Variants in CAST observed in about 807,000 individuals in gnomAD.
CAST encodes MIR583 host.
In CAST, 76 loss-of-function variants were observed where a neutral mutation model predicts 119.6. That is an observed-to-expected ratio of 0.64 (90% CI 0.53 to 0.77). CAST has a LOEUF of 0.77. CAST is among the 30% of genes least tolerant of loss of function. CAST has a pLI of 0.00. For synonymous variants in CAST, 319 were observed against 331.6 expected, an observed-to-expected ratio of 0.96 and a Z score of 0.41; for missense variants, 953 against 946.5, an observed-to-expected ratio of 1.01 and a Z score of -0.09.
At chr5:96,155,006 A>G in the CAST span, among the ~76,000 whole-genome samples, 1 of 152,206 alleles carries the variant, frequency 6.6e-6, no homozygotes, top group Admixed American at 6.5e-5. Flanking sequence ...AGTGCAGAAT[A>G]CTTATGTAAG....
chr5:96,295,161 A>G, the CAST span, among the ~76,000 whole-genome samples: 1 of 152,234 alleles, frequency 6.6e-6, no homozygotes, highest in Admixed American at 6.5e-5. Flanking sequence ...TGTTTTTTTC[A>G]TGAAGAAAAA....
At chr5:96,537,652 G>A (rs1022182721) in intron 1 of CAST, among the ~76,000 whole-genome samples, 11 of 152,090 alleles carry the variant, frequency 7.2e-5, no homozygotes, top group African/African-American at 2.4e-4. Flanking sequence ...TGTTCTCCAT[G>A]TCACTATAGA....
At chr5:96,549,989 CA>C (rs1373238685) in intron 1 of CAST, among the ~76,000 whole-genome samples, 1 of 152,220 alleles carries the variant, frequency 6.6e-6, no homozygotes, top group Non-Finnish European at 1.5e-5. Context: ...CATATATGAA[CA>C]AAAGGCAGCA....
At chr5:96,692,560 G>A (rs1752848045) in intron 2 of CAST, among the ~76,000 whole-genome samples, 1 of 152,112 alleles carries the variant, frequency 6.6e-6, no homozygotes, top group South Asian at 2.1e-4. Flanking sequence ...TGCTTACCAA[G>A]CCCATTCTTA....
At chr5:96,366,034 A>G in the CAST span, among the ~76,000 whole-genome samples, 1 of 152,148 alleles carries the variant, frequency 6.6e-6, no homozygotes, top group Non-Finnish European at 1.5e-5. Flanking sequence ...TGGTGACAAA[A>G]TCTCTCAGCA....
chr5:96,353,906 A>G, the CAST span, among the ~76,000 whole-genome samples: 1 of 152,160 alleles, frequency 6.6e-6, no homozygotes, highest in Non-Finnish European at 1.5e-5. Flanking sequence ...ATCTGTATCT[A>G]TATCTCCTGT....
rs768707547 is a variant in CAST, at chr5:96,729,675, G to A, written c.499G>A (p.Val167Ile). 4 of 1,602,398 alleles carry A rather than the reference G, an allele frequency of 2.5e-6. No homozygotes were observed. In the East Asian group the frequency reaches 8.9e-5, roughly 36 times the overall value. Residue 167 changes from valine to isoleucine, a missense_variant, in exon 8 of 32, where the codon GTT becomes ATT. Val to Ile is a conservative substitution (Grantham distance 29). Coordinates refer to ENST00000675179, the MANE Select transcript of CAST (RefSeq NM_001750.7). ...GSNDAHNKKAVSRSAEQQPSE... is the reference protein window; with the variant it reads ...GSNDAHNKKAISRSAEQQPSE... The stretch of plus-strand genomic sequence containing the variant: ...TAACGATGCTCACAATAAAAAAGCA[G>A]TTTCCAGATCAGCTGAACAGCAGCC...
chr5:95,981,770 G>A, the CAST span, among the ~76,000 whole-genome samples: 3 of 152,194 alleles, frequency 2.0e-5, no homozygotes, highest in Non-Finnish European at 4.4e-5. Context: ...AGCTACTCAG[G>A]AGGCTGAGGT....
At chr5:96,338,003 C>T in the CAST span, among the ~76,000 whole-genome samples, 1 of 152,062 alleles carries the variant, frequency 6.6e-6, no homozygotes, top group Non-Finnish European at 1.5e-5. Flanking sequence ...CTACTCTATC[C>T]AGCATTCCTT....
the CAST span, among the ~76,000 whole-genome samples, chr5:96,360,700 G>A: frequency 6.6e-6 from 1 of 152,286 alleles, no homozygotes; most frequent in Admixed American, 6.5e-5. Context: ...TCCTTCCTCT[G>A]GAAGCTTCAT....
At chr5:96,679,142 A>G (rs1403941914) in intron 2 of CAST, among the ~76,000 whole-genome samples, 2 of 152,070 alleles carry the variant, frequency 1.3e-5, no homozygotes, top group Non-Finnish European at 2.9e-5. Context: ...TATAAGTGTG[A>G]GCCACCACGC....
At chr5:96,329,934 G>T in the CAST span, among the ~76,000 whole-genome samples, 1 of 152,178 alleles carries the variant, frequency 6.6e-6, no homozygotes, top group Non-Finnish European at 1.5e-5. Context: ...TATTTTCTGG[G>T]TTGGTTTAAA....
chr5:96,219,758 C>CAGGA, the CAST span, among the ~76,000 whole-genome samples: 3 of 140,542 alleles, frequency 2.1e-5, no homozygotes, highest in Non-Finnish European at 3.1e-5. Flanking sequence ...GGCAGGCAGG[C>CAGGA]AGGAAGGAAG....
the CAST span, among the ~76,000 whole-genome samples, chr5:96,341,753 C>G: frequency 2.0e-5 from 3 of 152,124 alleles, no homozygotes; most frequent in Non-Finnish European, 2.9e-5. Context: ...TTATTGAATT[C>G]TAGCTAGGAA....
the CAST span, among the ~76,000 whole-genome samples, chr5:96,284,774 A>G: frequency 6.6e-6 from 1 of 152,208 alleles, no homozygotes; most frequent in Non-Finnish European, 1.5e-5. Flanking sequence ...TTAATATAGG[A>G]AAGTGATTAA....
intron 1 of CAST, among the ~76,000 whole-genome samples, chr5:96,633,145 G>A (rs981971864): frequency 6.6e-6 from 1 of 151,954 alleles, no homozygotes; most frequent in African/African-American, 2.4e-5. Flanking sequence ...CTAATTTTTT[G>A]TATTTTTAAT....
At chr5:96,559,273 A>G (rs1264384281) in intron 1 of CAST, among the ~76,000 whole-genome samples, 2 of 152,154 alleles carry the variant, frequency 1.3e-5, no homozygotes, top group African/African-American at 4.8e-5. Context: ...CAAAAACTGG[A>G]AGCATTCCCT....
chr5:96,677,534 A>G (rs1368864586), intron 2 of CAST, among the ~76,000 whole-genome samples: 3 of 152,262 alleles, frequency 2.0e-5, no homozygotes, highest in Non-Finnish European at 4.4e-5. Context: ...GATTTAAAAA[A>G]TTGAAAGGCT....
intron 4 of CAST, among the ~76,000 whole-genome samples, chr5:96,725,237 T>C (rs773433581): frequency 8.5e-5 from 13 of 152,234 alleles, no homozygotes; most frequent in Non-Finnish European, 1.3e-4. Flanking sequence ...AGCTGTGATA[T>C]TGGACAATCT....
Sources: gnomAD v4.1 joint callset for allele counts (sites outside exome capture counted in the v4.1 genomes callset) on GRCh38, gnomAD v4.1.1 for gene constraint, MANE v1.5 for transcripts, NCBI Gene and HGNC (gene_info 2026-07-23, HGNC 2026-07-21) for gene names.